The following ADH1C variants were observed in gnomAD, a reference collection of about 807,000 sequenced individuals.
The protein encoded by ADH1C is alcohol dehydrogenase 1C.
ADH1C carries 26 observed loss-of-function variants against 35.0 expected under a neutral mutation model. That is an observed-to-expected ratio of 0.74 (90% CI 0.54 to 1.03). The LOEUF is 1.03. ADH1C is among the 50% of genes least tolerant of loss of function. The probability of loss-of-function intolerance (pLI) is 0.00; values close to 1 mark genes in which losing one functional copy is unlikely to be tolerated. For synonymous variants in ADH1C, 170 were observed against 169.3 expected (o/e 1.00, Z -0.03); for missense variants, 413 against 465.4 (o/e 0.89, Z 1.04).
intron 1 of ADH1C, among the ~76,000 whole-genome samples, chr4:99,349,321 G>A (rs1734617495): frequency 6.6e-6 from 1 of 151,574 alleles, no homozygotes; most frequent in African/African-American, 2.4e-5. Flanking sequence ...GTAAGGAAGG[G>A]ATCCAGTTTC....
rs1289006543 is a variant in ADH1C at position 99,346,953 on chromosome 4, A to T, written c.259+53T>A. Reference sequence around the variant, plus strand: ...TGCCTCGGTTTCCTCATCCAGGCTGACTAATCTTGTGATGGTGAACCAAGG... The same window carrying T: ...TGCCTCGGTTTCCTCATCCAGGCTGTCTAATCTTGTGATGGTGAACCAAGG... On this transcript the variant is annotated intron_variant, in intron 3 of 8. Transcript: ENST00000515683. The T allele has an allele frequency of 4.4e-6, 7 of 1,590,596 alleles. No homozygotes were observed. In the East Asian group the frequency reaches 1.4e-4, roughly 31 times the overall value.
chr4:99,347,205 AC>A lies in ADH1C; in HGVS notation c.121-62del, dbSNP rs1441486753. The A allele has an allele frequency of 1.1e-5, 17 of 1,551,124 alleles. No homozygotes were observed. In the Middle Eastern group the frequency reaches 6.9e-4, roughly 63 times the overall value. ...AGATTATGACTGTCAGATGGACTTA[AC>A]AAACCCAATTTTCTAAAATTGTTAT... On this transcript the variant is annotated intron_variant, in intron 2 of 8. Transcript: ENST00000515683.
intron 8 of ADH1C, among the ~76,000 whole-genome samples, chr4:99,338,396 TATATATATATATATATA>T (rs1734329395): frequency 4.0e-4 from 3 of 7,424 alleles, no homozygotes; most frequent in African/African-American, 1.1e-3. Context: ...TACTGTTTTC[TATATATATATATATATA>T]TATATATATA....
chr4:99,345,006 G>C lies in ADH1C; in HGVS notation c.423C>G (p.Phe141Leu), dbSNP rs35725608. The stretch of plus-strand genomic sequence containing the variant: ...ACTGGGAGAAGGTGCTGACGCCGAC[G>C]AAGTGGTGGATGGGCTTCCCGCTGC... ...FTCSGKPIHH[F>L]VGVSTFSQYT... The change falls in exon 5 of 9, where the codon TTC becomes TTG. Residue 141 changes from phenylalanine (F) to leucine (L), a missense_variant. Phe to Leu is a conservative substitution (Grantham distance 22). Coordinates refer to ENST00000515683, the MANE Select transcript of ADH1C (RefSeq NM_000669.5). 2 of 1,614,162 alleles carry C rather than the reference G, an allele frequency of 1.2e-6. No homozygotes were observed. Among genetic ancestry groups the C allele is most frequent in the Admixed American group, 1.7e-5 (1 of 60,028 alleles).
In ADH1C at chr4:99,347,858, G is replaced by C. The variant is rs1404224881; in HGVS notation, c.19-12C>G. The C allele has an allele frequency of 1.2e-6, 2 of 1,613,316 alleles. No homozygotes were observed. The highest frequency in any genetic ancestry group is 2.2e-5 in the South Asian group (2 of 90,918). On this transcript the variant is annotated splice_polypyrimidine_tract_variant and intron_variant, in intron 1 of 8. Coordinates refer to ENST00000515683, the MANE Select transcript of ADH1C (RefSeq NM_000669.5). ...TTGCATTTGATTACCTAGAACATCA[G>C]ACAGAGAGATGGTACCAGTGTTTTC...
chr4:99,348,215 C>T (rs1212488392), intron 1 of ADH1C, among the ~76,000 whole-genome samples: 7 of 150,492 alleles, frequency 4.7e-5, no homozygotes, highest in East Asian at 2.0e-4. Flanking sequence ...CATGCTGGTG[C>T]GCTGCACCCA....
At chr4:99,343,710 C>A (rs1734465917) in intron 5 of ADH1C, among the ~76,000 whole-genome samples, 1 of 152,134 alleles carries the variant, frequency 6.6e-6, no homozygotes, top group East Asian at 1.9e-4. Context: ...TTATGAGTAT[C>A]CTCAGCTTCT....
intron 5 of ADH1C, 109 bp from the exon 6 acceptor site, chr4:99,343,164 C>T (rs868193648): frequency 6.9e-7 from 1 of 1,444,742 alleles, no homozygotes; most frequent in African/African-American, 1.4e-5. Flanking sequence ...TCAGACTCTT[C>T]TGTCCAATCT....
chr4:99,347,637 G>T, intron 2 of ADH1C, 108 bp downstream of exon 2: 3 of 1,158,392 alleles, frequency 2.6e-6, no homozygotes, highest in Non-Finnish European at 2.4e-6. Flanking sequence ...TTTATTTTCT[G>T]GATAATTATA....
chr4:99,338,396 TA>T (rs1734329042), intron 8 of ADH1C, among the ~76,000 whole-genome samples: 3 of 7,436 alleles, frequency 4.0e-4, no homozygotes, highest in African/African-American at 7.4e-4. Context: ...TACTGTTTTC[TA>T]TATATATATA....
In ADH1C at chr4:99,336,738, G is replaced by A. The variant is rs376262520; in HGVS notation, c.*14C>T. 3.3e-4 allele frequency: 537 copies of A among 1,613,430 alleles called. No individual in the cohort carries two copies. The highest frequency in any genetic ancestry group is 4.4e-4 in the Non-Finnish European group (523 of 1,179,590). ...AGGCTGAAAACTGCTACAAGGGAAG[G>A]CATCTGTATTGTTTCAAAACGTCAG... On this transcript the variant is annotated 3_prime_UTR_variant, in exon 9 of 9. Coordinates refer to ENST00000515683, the MANE Select transcript of ADH1C (RefSeq NM_000669.5).
At chr4:99,348,466 T>G (rs1232878162) in intron 1 of ADH1C, among the ~76,000 whole-genome samples, 2 of 151,710 alleles carry the variant, frequency 1.3e-5, no homozygotes, top group East Asian at 1.9e-4. Flanking sequence ...TCATCATTTT[T>G]TATGGCTGCA....
intron 6 of ADH1C, 38 bp downstream of exon 6, chr4:99,342,757 G>A (rs753406443): frequency 1.2e-6 from 2 of 1,613,300 alleles, no homozygotes; most frequent in Non-Finnish European, 8.5e-7. Flanking sequence ...CCTCCAGGTT[G>A]CAGAGGCAGA....
chr4:99,339,521 C>CGT lies in ADH1C; in HGVS notation c.1103+55_1103+56insAC, dbSNP rs1491157170. 8 of 1,156,792 alleles carry CGT rather than the reference C, an allele frequency of 6.9e-6. 1 individual carries two copies. The highest frequency in any genetic ancestry group is 6.7e-5 in the South Asian group (4 of 59,682). 71.7% of individuals were successfully genotyped at this position (1,156,792 alleles called of 1,614,324 possible). A position where few individuals can be genotyped will look rare whatever the true frequency, so the allele number is the denominator to read the frequency against. ...TTCTCTGCTAGACAACGCCCCCCCC[C>CGT]CCCCCGCCGCTACTGTAGAATACAA... On this transcript the variant is annotated intron_variant, in intron 8 of 8. Transcript: ENST00000515683.
intron 6 of ADH1C, among the ~76,000 whole-genome samples, chr4:99,341,484 T>A (rs757374018): frequency 6.6e-6 from 1 of 152,144 alleles, no homozygotes; most frequent in Non-Finnish European, 1.5e-5. Context: ...CAGTTCCACA[T>A]GAGAAAATGG....
intron 1 of ADH1C, among the ~76,000 whole-genome samples, chr4:99,351,956 A>C (rs1469378253): frequency 2.0e-5 from 3 of 152,228 alleles, no homozygotes; most frequent in Admixed American, 2.0e-4. Flanking sequence ...TAAGTGATTC[A>C]AATTGCATTA....
rs1389008616 is a variant in ADH1C at position 99,348,273 on chromosome 4, C to G, written c.19-427G>C. On this transcript the variant is annotated intron_variant, in intron 1 of 8. Transcript: ENST00000515683. The stretch of plus-strand genomic sequence containing the variant: ...GTATATCTCCCAATGCTATCCCTCC[C>G]CCCTCCCCCCACCCCACAATAGTCC... 2.7e-5 allele frequency among the ~76,000 whole-genome samples: 3 copies of G among 112,492 alleles called. No individual in the cohort carries two copies. The South Asian group carries it at 1.2e-3, about 44-fold the overall frequency. The allele number at this position is 112,492 out of a possible 152,430, so 73.8% of individuals were successfully genotyped here. A position where few individuals can be genotyped will look rare whatever the true frequency, so the allele number is the denominator to read the frequency against.
intron 1 of ADH1C, among the ~76,000 whole-genome samples, chr4:99,352,139 T>A (rs546625464): frequency 6.6e-5 from 10 of 152,348 alleles, no homozygotes; most frequent in Admixed American, 5.9e-4. Flanking sequence ...GAGTATTTTG[T>A]AAGATATTTT....
At position 99,342,777 on chromosome 4, in the gene ADH1C, G is replaced by A. The variant is rs757661489; in HGVS notation, c.828+18C>T. 1.2e-6 allele frequency: 2 copies of A among 1,613,784 alleles called. No individual in the cohort carries two copies. The highest frequency in any genetic ancestry group is 1.7e-6 in the Non-Finnish European group (2 of 1,179,694). On this transcript the variant is annotated intron_variant, in intron 6 of 8. Transcript: ENST00000515683. ...AGGTTGCAGAGGCAGAAATTTCAGG[G>A]CATGTCACGGATCATACCATGGTGT...
Sources: gnomAD v4.1 joint callset for allele counts (sites outside exome capture counted in the v4.1 genomes callset) on GRCh38, gnomAD v4.1.1 for gene constraint, MANE v1.5 for transcripts, NCBI Gene and HGNC (gene_info 2026-07-23, HGNC 2026-07-21) for gene names.